The following METTL15 variants were observed in gnomAD, a reference collection of about 807,000 sequenced individuals.
METTL15 encodes 12S rRNA N(4)-cytidine methyltransferase METTL15.
In METTL15, 34 loss-of-function variants were observed where a neutral mutation model predicts 38.3. The ratio of observed to expected loss-of-function variants is 0.89; its 90% CI spans 0.68 to 1.18. METTL15 has a LOEUF of 1.18. Among genes scored for constraint, METTL15 ranks in the 50% most tolerant of loss-of-function variants. The pLI is 0.00. For synonymous variants in METTL15, 162 were observed against 170.9 expected (o/e 0.95, Z 0.41); for missense variants, 438 against 498.4 (o/e 0.88, Z 1.15).
chr11:28,226,643 T>G (rs1284661925), intron 4 of METTL15, among the ~76,000 whole-genome samples: 1 of 151,974 alleles, frequency 6.6e-6, no homozygotes, highest in Non-Finnish European at 1.5e-5. Flanking sequence ...TCAGGTTTGC[T>G]GCTTGTATTC....
intron 6 of METTL15, among the ~76,000 whole-genome samples, chr11:28,451,673 A>G (rs1223141059): frequency 6.6e-6 from 1 of 152,208 alleles, no homozygotes; most frequent in African/African-American, 2.4e-5. Flanking sequence ...GCTAGCTTAT[A>G]GTTCTTATTT....
intron 3 of METTL15, among the ~76,000 whole-genome samples, chr11:28,207,051 C>T (rs1320073094): frequency 7.2e-6 from 1 of 139,782 alleles, no homozygotes; most frequent in Non-Finnish European, 1.5e-5. Context: ...ATGTCATCTG[C>T]AAACAGGGAC....
At chr11:28,166,117 T>C (rs1387724855) in intron 3 of METTL15, among the ~76,000 whole-genome samples, 1 of 152,202 alleles carries the variant, frequency 6.6e-6, no homozygotes, top group Non-Finnish European at 1.5e-5. Context: ...GCTTTGGCTT[T>C]TCAGGGTCTT....
At chr11:28,380,459 G>A (rs1381287252) in intron 5 of METTL15, among the ~76,000 whole-genome samples, 4 of 152,104 alleles carry the variant, frequency 2.6e-5, no homozygotes, top group African/African-American at 9.7e-5. Context: ...GGAGAATTGA[G>A]TCAATTTAGA....
At chr11:28,122,239 C>A (rs529032099) in intron 3 of METTL15, 2 of 1,130,810 alleles carry the variant, frequency 1.8e-6, no homozygotes, top group East Asian at 1.3e-4. Context: ...TTATAAAATG[C>A]TTTGTTCATA....
At chr11:28,142,221 T>C (rs559616416) in intron 3 of METTL15, among the ~76,000 whole-genome samples, 1 of 152,028 alleles carries the variant, frequency 6.6e-6, no homozygotes, top group Non-Finnish European at 1.5e-5. Context: ...TTACAGTGAG[T>C]GGACTAGAGG....
At chr11:28,169,071 G>A (rs1279579197) in intron 3 of METTL15, among the ~76,000 whole-genome samples, 2 of 152,156 alleles carry the variant, frequency 1.3e-5, no homozygotes, top group African/African-American at 2.4e-5. Flanking sequence ...ACAAGGTAAA[G>A]TGGAGGTTAG....
intron 6 of METTL15, among the ~76,000 whole-genome samples, chr11:28,475,345 T>C (rs1851336932): frequency 6.8e-6 from 1 of 146,696 alleles, no homozygotes; most frequent in Admixed American, 6.9e-5. Context: ...TTCTTTTTCT[T>C]TTTTAATATT....
chr11:28,219,702 C>G (rs1479771572), intron 4 of METTL15, among the ~76,000 whole-genome samples: 1 of 152,026 alleles, frequency 6.6e-6, no homozygotes, highest in Non-Finnish European at 1.5e-5. Context: ...GCATTTAGTG[C>G]TATAAATTTC....
intron 5 of METTL15, among the ~76,000 whole-genome samples, chr11:28,385,983 A>C (rs908817538): frequency 2.3e-4 from 35 of 152,138 alleles, no homozygotes; most frequent in African/African-American, 8.4e-4. Flanking sequence ...CAAACAAAGT[A>C]TGGGGGAAAT....
intron 5 of METTL15, among the ~76,000 whole-genome samples, chr11:28,423,295 A>G (rs1652301308): frequency 6.6e-6 from 1 of 152,064 alleles, no homozygotes; most frequent in South Asian, 2.1e-4. Flanking sequence ...GAAGTTCCTC[A>G]AAGAACTAAA....
intron 6 of METTL15, among the ~76,000 whole-genome samples, chr11:28,462,969 T>C (rs1851228512): frequency 6.6e-6 from 1 of 152,040 alleles, no homozygotes; most frequent in Non-Finnish European, 1.5e-5. Flanking sequence ...CATTGTTTGT[T>C]GGGGGAATGA....
intron 4 of METTL15, among the ~76,000 whole-genome samples, chr11:28,237,389 C>T (rs998416401): frequency 5.6e-4 from 86 of 152,296 alleles, no homozygotes; most frequent in African/African-American, 1.9e-3. Context: ...TCCAATTGAT[C>T]GCATTGGCTC....
At chr11:28,373,089 A>G (rs7112646) in intron 5 of METTL15, among the ~76,000 whole-genome samples, 61,554 of 151,922 alleles carry the variant, frequency 0.41, 14,276 homozygotes, top group Admixed American at 0.52. Flanking sequence ...ATACGTGTGC[A>G]TGTGTCCTTA....
chr11:28,233,028 CA>C (rs1194792368), intron 4 of METTL15, among the ~76,000 whole-genome samples: 1 of 151,974 alleles, frequency 6.6e-6, no homozygotes, highest in Non-Finnish European at 1.5e-5. Context: ...TTGAAGCGGA[CA>C]ACAAAATTAG....
rs545311222 is a variant in METTL15 at position 28,456,625 on chromosome 11, A to G, written c.*424+32261A>G. 2.1e-4 allele frequency among the ~76,000 whole-genome samples: 32 copies of G among 152,062 alleles called. No homozygotes were observed. The East Asian group carries it at 6.0e-3, about 29-fold the overall frequency. ...CCTGTTAATTTTTGTAATTTTTAAT[A>G]GAGACGGGGCTTCACCATGTTGGCC... is the stretch of plus-strand genomic sequence containing the variant. On this transcript the variant is annotated intron_variant and NMD_transcript_variant, in intron 6 of 7. Coordinates refer to the METTL15 transcript ENST00000532947.
At chr11:28,257,665 C>T (rs570043007) in intron 4 of METTL15, among the ~76,000 whole-genome samples, 1 of 152,218 alleles carries the variant, frequency 6.6e-6, no homozygotes, top group African/African-American at 2.4e-5. Flanking sequence ...ATCCATTCTG[C>T]TATTAACAGA....
intron 4 of METTL15, among the ~76,000 whole-genome samples, chr11:28,255,523 C>T (rs1854936100): frequency 6.6e-6 from 1 of 152,038 alleles, no homozygotes; most frequent in African/African-American, 2.4e-5. Flanking sequence ...TTGTTGTGTT[C>T]CAGATCTTAG....
At chr11:28,419,736 G>A (rs1014967141) in intron 5 of METTL15, among the ~76,000 whole-genome samples, 8 of 152,130 alleles carry the variant, frequency 5.3e-5, no homozygotes, top group Admixed American at 3.3e-4. Flanking sequence ...ATTCAAAATA[G>A]CTATGTTGAG....
Sources: gnomAD v4.1 joint callset for allele counts (sites outside exome capture counted in the v4.1 genomes callset) on GRCh38, gnomAD v4.1.1 for gene constraint, MANE v1.5 for transcripts, NCBI Gene and HGNC (gene_info 2026-07-23, HGNC 2026-07-21) for gene names.